AMBRA1: variants seen among roughly 807,000 people sequenced by gnomAD.
AMBRA1 encodes the protein activating molecule in BECN1-regulated autophagy protein 1.
AMBRA1 carries 47 observed loss-of-function variants against 125.4 expected under a neutral mutation model. That is an observed-to-expected ratio of 0.37 (90% CI 0.30 to 0.48). The LOEUF (loss-of-function observed/expected upper bound fraction) is 0.48, where lower values mean the gene tolerates loss of function less well. AMBRA1 is among the 20% of genes least tolerant of loss of function. The pLI, the probability that AMBRA1 is intolerant of heterozygous loss-of-function variation, is 0.99. For missense variants in AMBRA1, 1,331 were observed against 1,693.4 expected (o/e 0.79, Z 3.76); for synonymous variants, 626 against 655.5 (o/e 0.95, Z 0.69).
chr11:46,481,867 G>A (rs769414188), intron 11 of AMBRA1, among the ~76,000 whole-genome samples: 4 of 152,232 alleles, frequency 2.6e-5, no homozygotes, highest in Non-Finnish European at 4.4e-5. Flanking sequence ...CTGTAAAAAT[G>A]ACAGTGTATC....
intron 9 of AMBRA1, 111 bp from the exon 10 acceptor site, chr11:46,494,315 C>A: frequency 2.4e-6 from 2 of 843,980 alleles, no homozygotes; most frequent in Non-Finnish European, 1.9e-6. Flanking sequence ...GAGAGGACCC[C>A]ACATAAATTA....
intron 9 of AMBRA1, 52 bp downstream of exon 9, chr11:46,508,139 G>A (rs1287592741): frequency 2.5e-6 from 4 of 1,588,548 alleles, no homozygotes; most frequent in Middle Eastern, 1.8e-4. Context: ...CAACTTGGAA[G>A]CACTCCAAGC....
chr11:46,593,483 G>C (rs926202658), intron 1 of AMBRA1, among the ~76,000 whole-genome samples: 6 of 152,136 alleles, frequency 3.9e-5, no homozygotes, highest in Admixed American at 1.3e-4. Flanking sequence ...ATGACACCCG[G>C]AGACTTCGGG....
At chr11:46,525,699 C>A (rs191102321) in intron 7 of AMBRA1, among the ~76,000 whole-genome samples, 1 of 151,398 alleles carries the variant, frequency 6.6e-6, no homozygotes, top group East Asian at 2.0e-4. Context: ...TGCAGTGACC[C>A]GAGATCGTGC....
At chr11:46,593,025 G>A (rs183386037) in intron 1 of AMBRA1, among the ~76,000 whole-genome samples, 1 of 151,126 alleles carries the variant, frequency 6.6e-6, no homozygotes, top group Non-Finnish European at 1.5e-5. Context: ...TAGACAACAA[G>A]GTTATCAAGA....
chr11:46,404,562 G>C (rs1264846871), intron 17 of AMBRA1, among the ~76,000 whole-genome samples: 1 of 152,232 alleles, frequency 6.6e-6, no homozygotes, highest in East Asian at 1.9e-4. Context: ...AAGGGGTATG[G>C]TGTGTGGAAC....
intron 12 of AMBRA1, among the ~76,000 whole-genome samples, chr11:46,435,837 A>T (rs1044791108): frequency 6.6e-6 from 1 of 152,260 alleles, no homozygotes; most frequent in East Asian, 1.9e-4. Context: ...CACTCCACAC[A>T]ACAGCACCAA....
chr11:46,576,222 T>C (rs1213168766), intron 1 of AMBRA1, among the ~76,000 whole-genome samples: 3 of 152,196 alleles, frequency 2.0e-5, no homozygotes, highest in Non-Finnish European at 4.4e-5. Flanking sequence ...CCCTGAGCAA[T>C]TCACCTGCTC....
intron 9 of AMBRA1, among the ~76,000 whole-genome samples, chr11:46,497,947 TA>T (rs1183713763): frequency 6.6e-6 from 1 of 152,140 alleles, no homozygotes. Context: ...GGGAGAGGGA[TA>T]AGTTCCAATA....
intron 1 of AMBRA1, among the ~76,000 whole-genome samples, chr11:46,558,887 G>C (rs957266318): frequency 6.6e-6 from 1 of 152,176 alleles, no homozygotes; most frequent in South Asian, 2.1e-4. Context: ...ATTCAGAGTT[G>C]TGAAAAGATC....
chr11:46,434,002 C>A (rs1947584330), intron 13 of AMBRA1, among the ~76,000 whole-genome samples: 1 of 150,980 alleles, frequency 6.6e-6, no homozygotes, highest in African/African-American at 2.4e-5. Flanking sequence ...GTAATACTAG[C>A]TACTCGGGAG....
At chr11:46,517,923 T>C (rs1387870625) in intron 7 of AMBRA1, among the ~76,000 whole-genome samples, 2 of 151,058 alleles carry the variant, frequency 1.3e-5, no homozygotes, top group Non-Finnish European at 2.9e-5. Context: ...CCCATATTCG[T>C]ATATATATAG....
intron 1 of AMBRA1, among the ~76,000 whole-genome samples, chr11:46,561,449 A>C (rs961878697): frequency 6.6e-6 from 1 of 152,082 alleles, no homozygotes; most frequent in Non-Finnish European, 1.5e-5. Flanking sequence ...AGGAATCTTC[A>C]CAAGTCCTAG....
chr11:46,479,247 G>A (rs142662742), intron 11 of AMBRA1, among the ~76,000 whole-genome samples: 42 of 152,166 alleles, frequency 2.8e-4, no homozygotes, highest in African/African-American at 8.4e-4. Context: ...GTGCTAGCAG[G>A]CTACCTCAGA....
chr11:46,423,757 ATT>A (rs538298573), intron 14 of AMBRA1, among the ~76,000 whole-genome samples: 108 of 98,858 alleles, frequency 1.1e-3, no homozygotes, highest in African/African-American at 4.5e-3. Context: ...CAGTGCACCC[ATT>A]TTTTTTTTTT....
In AMBRA1 at chr11:46,561,028, C is replaced by A. The variant is rs540855751; in HGVS notation, c.-120-12528G>T. Among the ~76,000 whole-genome samples, 5 of 152,258 alleles carry A rather than the reference C, an allele frequency of 3.3e-5. No individual in the cohort carries two copies. In the East Asian group the frequency reaches 7.7e-4, roughly 23 times the overall value. ...ATAGTCTTTGAGAAAGAATCCAACT[C>A]CTTCCTGGGAGCACCACATTGCCCC... On this transcript the variant is annotated intron_variant, in intron 1 of 17. Transcript: ENST00000683756.
intron 1 of AMBRA1, among the ~76,000 whole-genome samples, chr11:46,585,695 A>AAAATATATATATAT (rs1555017410): frequency 1.3e-4 from 3 of 22,912 alleles, no homozygotes; most frequent in South Asian, 1.4e-3. Flanking sequence ...AAAAAAAAAA[A>AAAATATATATATAT]ATATATATAT....
At chr11:46,403,443 A>T (rs536104063) in intron 17 of AMBRA1, among the ~76,000 whole-genome samples, 10 of 152,306 alleles carry the variant, frequency 6.6e-5, no homozygotes, top group Admixed American at 6.5e-4. Flanking sequence ...GTGCTCTCCA[A>T]ATAGTGGGGC....
At chr11:46,589,673 G>C (rs984427586) in intron 1 of AMBRA1, among the ~76,000 whole-genome samples, 4 of 151,970 alleles carry the variant, frequency 2.6e-5, no homozygotes, top group African/African-American at 9.7e-5. Context: ...AGGCTGGAGT[G>C]CAGTGGTGCT....
Sources: allele counts gnomAD v4.1 joint callset (sites outside exome capture counted in the v4.1 genomes callset), GRCh38; gene constraint gnomAD v4.1.1; transcripts MANE v1.5; gene names NCBI Gene and HGNC (gene_info 2026-07-23, HGNC 2026-07-21).